The following CD47 variants were observed in gnomAD, a reference collection of about 807,000 sequenced individuals.
CD47 encodes the protein CD47 molecule.
In CD47, 11 loss-of-function variants were observed where a neutral mutation model predicts 44.6. The ratio of observed to expected loss-of-function variants is 0.25; its 90% CI spans 0.16 to 0.41. CD47 has a LOEUF of 0.41. Among genes scored for constraint, CD47 ranks in the 10% least tolerant of loss-of-function variants. The pLI, the probability that CD47 is intolerant of heterozygous loss-of-function variation, is 1.00. For missense variants in CD47, 306 were observed against 386.7 expected (o/e 0.79, Z 1.75); for synonymous variants, 140 against 136.3 (o/e 1.03, Z -0.19).
chr3:108,051,996 T>C (rs1559979165), intron 7 of CD47, 26 bp from the exon 8 acceptor site: 5 of 1,063,582 alleles, frequency 4.7e-6, no homozygotes, highest in Non-Finnish European at 7.1e-6. Flanking sequence ...AATAAGAATA[T>C]AAATTTAATA....
chr3:108,054,750 C>G (rs2078884853), intron 7 of CD47: 1 of 152,130 alleles, frequency 6.6e-6, no homozygotes, highest in Non-Finnish European at 1.5e-5. Context: ...GAATTTGTAT[C>G]TATACATAGA....
At chr3:108,067,814 TAA>T (rs1273971279) in intron 3 of CD47, among the ~76,000 whole-genome samples, 3 of 152,218 alleles carry the variant, frequency 2.0e-5, no homozygotes, top group African/African-American at 7.2e-5. Context: ...TCTGGGAGTT[TAA>T]GAGTCTTCTC....
rs2078678818 is a variant in CD47, at chr3:108,044,366, A to G, written c.*2922T>C. On this transcript the variant is annotated 3_prime_UTR_variant, in exon 11 of 11. Transcript: ENST00000361309. ...TAAACAGAATGGACCTGGAGTTTCCAGGAGAAAAATAATCACCTTTGAAGG... is the reference window on the plus strand; with the variant it reads ...TAAACAGAATGGACCTGGAGTTTCCGGGAGAAAAATAATCACCTTTGAAGG... 7.2e-6 allele frequency: 1 copy of G among 139,396 alleles called. No individual in the cohort carries two copies. Among genetic ancestry groups the G allele is most frequent in the African/African-American group, 2.7e-5 (1 of 37,476 alleles). 8.6% of individuals were successfully genotyped at this position (139,396 alleles called of 1,614,324 possible).
chr3:108,053,950 A>C (rs985742546), intron 7 of CD47: 1 of 152,256 alleles, frequency 6.6e-6, no homozygotes, highest in African/African-American at 2.4e-5. Flanking sequence ...TATACAACTG[A>C]CTTCAATGAA....
intron 3 of CD47, among the ~76,000 whole-genome samples, chr3:108,063,699 GTGT>G (rs2079058364): frequency 6.6e-6 from 1 of 152,160 alleles, no homozygotes; most frequent in South Asian, 2.1e-4. Flanking sequence ...ATAACTCAAT[GTGT>G]TGTTAACAGC....
intron 7 of CD47, chr3:108,055,466 A>C: frequency 1.0e-6 from 1 of 991,476 alleles, no homozygotes; most frequent in Non-Finnish European, 1.4e-6. Flanking sequence ...TAAGCAAACC[A>C]TATTAATGTT....
At chr3:108,069,508 T>G (rs2079159516) in intron 3 of CD47, among the ~76,000 whole-genome samples, 1 of 131,464 alleles carries the variant, frequency 7.6e-6, no homozygotes, top group South Asian at 2.4e-4. Context: ...GGACTACAGA[T>G]GAGTTTTTTT....
chr3:108,090,613 GGGT>G (rs906935295), intron 1 of CD47, among the ~76,000 whole-genome samples: 1 of 143,582 alleles, frequency 7.0e-6, no homozygotes, highest in Non-Finnish European at 1.5e-5. Context: ...ATGGAGAACC[GGGT>G]GGAGGAGATG....
chr3:108,050,848 C>A, intron 8 of CD47: 1 of 459,096 alleles, frequency 2.2e-6, no homozygotes, highest in Non-Finnish European at 4.2e-6. Flanking sequence ...CAGAATTTCC[C>A]ACTTCACCAC....
intron 1 of CD47, among the ~76,000 whole-genome samples, chr3:108,087,759 G>A (rs1191573441): frequency 6.6e-6 from 1 of 152,256 alleles, no homozygotes; most frequent in East Asian, 1.9e-4. Context: ...CAGATTCTGA[G>A]TCTTATGCAA....
Position 108,090,976 on chromosome 3 carries a change from A to G in CD47, c.-68T>C. 1 of 1,188,136 alleles carries G rather than the reference A, an allele frequency of 8.4e-7. No homozygotes were observed. Among genetic ancestry groups the G allele is most frequent in the Non-Finnish European group, 1.1e-6 (1 of 901,392 alleles). 73.6% of individuals were successfully genotyped at this position (1,188,136 alleles called of 1,614,324 possible). ...CGGAGCAGCAGCCGCCGCCGCCGTT[A>G]CAGGCAGGACCGACCGCCGCCGCGC... On this transcript the variant is annotated 5_prime_UTR_variant, in exon 1 of 11. Coordinates refer to ENST00000361309, the MANE Select transcript of CD47 (RefSeq NM_001777.4).
intron 7 of CD47, 121 bp from the exon 8 acceptor site, chr3:108,052,091 T>G: frequency 1.8e-6 from 1 of 561,904 alleles, no homozygotes. Flanking sequence ...GAGATGTTAA[T>G]GAAAGAGTTC....
chr3:108,051,329 C>T (rs755876884), intron 8 of CD47, among the ~76,000 whole-genome samples: 6 of 152,172 alleles, frequency 3.9e-5, no homozygotes, highest in Non-Finnish European at 7.3e-5. Flanking sequence ...TATAAATATG[C>T]TTTTCTCTTC....
intron 2 of CD47, among the ~76,000 whole-genome samples, chr3:108,074,132 C>G (rs2108257877): frequency 6.6e-6 from 1 of 152,224 alleles, no homozygotes; most frequent in Middle Eastern, 3.4e-3. Context: ...TCATGTCAAG[C>G]TTTCAGTAAA....
intron 3 of CD47, among the ~76,000 whole-genome samples, chr3:108,064,030 A>G (rs963887716): frequency 8.5e-5 from 13 of 152,186 alleles, no homozygotes; most frequent in African/African-American, 2.9e-4. Flanking sequence ...ACTTCTAAGA[A>G]ATCTGTTGGG....
intron 4 of CD47, among the ~76,000 whole-genome samples, chr3:108,060,514 A>G (rs1457801173): frequency 6.6e-6 from 1 of 152,228 alleles, no homozygotes; most frequent in Non-Finnish European, 1.5e-5. Flanking sequence ...TCCAGAAGCT[A>G]GAAGAGCCAA....
chr3:108,051,509 T>C (rs2078827839), intron 8 of CD47, among the ~76,000 whole-genome samples: 1 of 152,196 alleles, frequency 6.6e-6, no homozygotes. Flanking sequence ...TTCAGCAATA[T>C]TTACATTTAT....
At chr3:108,075,845 C>A (rs1419104313) in intron 2 of CD47, among the ~76,000 whole-genome samples, 3 of 152,142 alleles carry the variant, frequency 2.0e-5, no homozygotes, top group Non-Finnish European at 2.9e-5. Context: ...TTCTTCCTGG[C>A]AAAATAAACT....
chr3:108,067,426 A>T (rs1456003801), intron 3 of CD47, among the ~76,000 whole-genome samples: 1 of 152,222 alleles, frequency 6.6e-6, no homozygotes, highest in Admixed American at 6.5e-5. Context: ...GAATTTCAAA[A>T]TGTTAGCCAG....
Sources: gnomAD v4.1 joint callset for allele counts (sites outside exome capture counted in the v4.1 genomes callset) on GRCh38, gnomAD v4.1.1 for gene constraint, MANE v1.5 for transcripts, NCBI Gene and HGNC (gene_info 2026-07-23, HGNC 2026-07-21) for gene names.